ATP2C2: variants seen among roughly 807,000 people sequenced by gnomAD.
ATP2C2 encodes the protein ATPase secretory pathway Ca2+ transporting 2.
ATP2C2 carries 171 observed loss-of-function variants against 110.8 expected under a neutral mutation model. That is an observed-to-expected ratio of 1.54 (90% CI 1.36 to 1.75). The LOEUF (loss-of-function observed/expected upper bound fraction) is 1.75. Among genes scored for constraint, ATP2C2 ranks in the 40% most tolerant of loss-of-function variants. The pLI, the probability that ATP2C2 is intolerant of heterozygous loss-of-function variation, is 0.00. For missense variants in ATP2C2, 1,963 were observed against 1,235.0 expected, an observed-to-expected ratio of 1.59 and a Z score of -8.84; for synonymous variants, 804 against 508.4, an observed-to-expected ratio of 1.58 and a Z score of -7.82.
intron 1 of ATP2C2, among the ~76,000 whole-genome samples, chr16:84,389,150 G>T (rs8048205): frequency 0.15 from 22,269 of 152,116 alleles, 1,696 homozygotes; most frequent in East Asian, 0.27. Flanking sequence ...ACCCCCAGGG[G>T]CCAAGTGCTT....
chr16:84,382,710 G>C (rs1255729392), intron 1 of ATP2C2, among the ~76,000 whole-genome samples: 1 of 152,080 alleles, frequency 6.6e-6, no homozygotes, highest in Non-Finnish European at 1.5e-5. Flanking sequence ...CCTGGCCAAC[G>C]TGGCAAAACC....
At chr16:84,437,424 T>C (rs1417027897) in intron 11 of ATP2C2, among the ~76,000 whole-genome samples, 1 of 152,138 alleles carries the variant, frequency 6.6e-6, no homozygotes, top group Non-Finnish European at 1.5e-5. Context: ...TTGCCCAGGC[T>C]AGTCTTGAAC....
At chr16:84,425,047 A>C (rs1032628761) in intron 10 of ATP2C2, among the ~76,000 whole-genome samples, 3 of 152,184 alleles carry the variant, frequency 2.0e-5, no homozygotes, top group Non-Finnish European at 4.4e-5. Context: ...TGCCCAAAAC[A>C]AAACTAACAG....
At chr16:84,423,440 C>G (rs1019273003) in intron 10 of ATP2C2, among the ~76,000 whole-genome samples, 177 bp downstream of exon 10, 1 of 152,222 alleles carries the variant, frequency 6.6e-6, no homozygotes, top group African/African-American at 2.4e-5. Flanking sequence ...ACCAGGCTGG[C>G]TGCTGTAACA....
At chr16:84,433,680 CAA>C (rs1908484326) in intron 11 of ATP2C2, among the ~76,000 whole-genome samples, 1 of 119,712 alleles carries the variant, frequency 8.4e-6, no homozygotes, top group Non-Finnish European at 1.8e-5. Flanking sequence ...ACAACAACAA[CAA>C]AACACACACA....
intron 1 of ATP2C2, among the ~76,000 whole-genome samples, chr16:84,380,993 A>T (rs574138900): frequency 3.9e-5 from 6 of 152,350 alleles, no homozygotes; most frequent in African/African-American, 1.4e-4. Context: ...AGCCCGGCCA[A>T]CGTAGTGAAT....
chr16:84,428,012 G>C (rs1236468021), intron 11 of ATP2C2, among the ~76,000 whole-genome samples: 1 of 152,162 alleles, frequency 6.6e-6, no homozygotes, highest in African/African-American at 2.4e-5. Flanking sequence ...TATTGAGAGG[G>C]TCCTCGGAGC....
At chr16:84,415,460 G>T in intron 6 of ATP2C2, 23 bp from the exon 7 acceptor site, 1 of 1,600,516 alleles carries the variant, frequency 6.2e-7, no homozygotes, top group Admixed American at 1.7e-5. Flanking sequence ...GGATGCTTTT[G>T]CTTTTTACCA....
chr16:84,425,650 T>C (rs1907743050), intron 10 of ATP2C2, 85 bp from the exon 11 acceptor site: 1 of 1,463,816 alleles, frequency 6.8e-7, no homozygotes, highest in South Asian at 1.1e-5. Flanking sequence ...TCCTGTAAAC[T>C]CTTTAAGGAA....
chr16:84,408,942 G>A (rs534926347), intron 4 of ATP2C2, among the ~76,000 whole-genome samples: 17 of 152,058 alleles, frequency 1.1e-4, no homozygotes, highest in African/African-American at 4.1e-4. Flanking sequence ...GTACATTCAT[G>A]ATATGGTGCC....
rs1407436057 is a variant in ATP2C2 at position 84,451,920 on chromosome 16, G to T, written c.1661-1G>T. On this transcript the variant is annotated splice_acceptor_variant, in intron 17 of 26. Transcript: ENST00000262429. LOFTEE classifies it high-confidence loss of function. The stretch of plus-strand genomic sequence containing the variant: ...CCTCCTTACTCCCCCTCTCTCCTCA[G>T]TGCTGGCCCTGGCTTCTGGGCCCGA... The T allele has an allele frequency of 6.2e-7, 1 of 1,613,704 alleles. No individual in the cohort carries two copies. Among genetic ancestry groups the T allele is most frequent in the Non-Finnish European group, 8.5e-7 (1 of 1,179,940 alleles).
At position 84,464,040 on chromosome 16, in the gene ATP2C2, G is replaced by C. The variant is rs552793414; in HGVS notation, c.*308G>C. 1.2e-4 allele frequency: 29 copies of C among 235,010 alleles called. No homozygotes were observed. Among genetic ancestry groups the C allele is most frequent in the African/African-American group, 6.5e-4 (29 of 44,684 alleles). The allele number at this position is 235,010 out of a possible 1,614,324, so 14.6% of individuals were successfully genotyped here. On this transcript the variant is annotated 3_prime_UTR_variant, in exon 27 of 27. Coordinates refer to ENST00000262429, the MANE Select transcript of ATP2C2 (RefSeq NM_014861.4). ...ACGTATCTGTGCCACAGCTTGCAGT[G>C]AGGCAGGCCACTCGTGGCAGATACA...
intron 3 of ATP2C2, among the ~76,000 whole-genome samples, chr16:84,406,903 C>T (rs187142717): frequency 2.6e-5 from 4 of 152,180 alleles, no homozygotes; most frequent in Admixed American, 2.0e-4. Flanking sequence ...CCGTGAACAT[C>T]TTCCTTCTCA....
Position 84,448,596 on chromosome 16 carries a change from T to C in ATP2C2, c.1567T>C (p.Tyr523His). The C allele has an allele frequency of 1.9e-6, 3 of 1,614,086 alleles. No homozygotes were observed. The highest frequency in any genetic ancestry group is 4.5e-5 in the East Asian group (2 of 44,878). ...AGAGGTGATCCGCTACTGCACCATG[T>C]ACAACAACGGGGGCATCCCCCTGCC... ...LEEVIRYCTM[Y>H]NNGGIPLPLT... is the part of the protein sequence containing the mutation. Residue 523 changes from tyrosine (Y) to histidine (H), a missense_variant, in exon 17 of 27, where the codon TAC (tyrosine) becomes CAC (histidine). By Grantham distance (83) the Tyr-to-His change is moderately conservative. Coordinates refer to ENST00000262429, the MANE Select transcript of ATP2C2 (RefSeq NM_014861.4).
chr16:84,454,764 G>T, intron 20 of ATP2C2, 54 bp from the exon 21 acceptor site: 1 of 1,513,774 alleles, frequency 6.6e-7, no homozygotes, highest in East Asian at 2.4e-5. Flanking sequence ...GCATGGCCGG[G>T]CACTGGGAGG....
chr16:84,461,512 G>A, intron 24 of ATP2C2: 2 of 625,438 alleles, frequency 3.2e-6, no homozygotes, highest in Non-Finnish European at 5.7e-6. Flanking sequence ...CCTCATGGTG[G>A]CAGCAAATCA....
chr16:84,391,113 CAAAAAA>C (rs567509863), intron 1 of ATP2C2, among the ~76,000 whole-genome samples: 19 of 73,286 alleles, frequency 2.6e-4, no homozygotes, highest in African/African-American at 1.1e-3. Context: ...GACTCAGACT[CAAAAAA>C]AAAAAAAAAA....
Position 84,463,616 on chromosome 16 carries a change from T to A in ATP2C2, c.2725T>A (p.Leu909Met), listed in dbSNP as rs777596874. Residue 909 changes from leucine to methionine, a missense_variant and splice_region_variant, in exon 27 of 27, where the codon TTG becomes ATG. Leu to Met is a conservative substitution (Grantham distance 15, BLOSUM62 2). Coordinates refer to ENST00000262429, the MANE Select transcript of ATP2C2 (RefSeq NM_014861.4). ...TTTTCTGTTTTCTCCCTTGGCAGAT[T>A]TGCTGTTTTTAACTGGATTGGCCTC... Reference protein sequence around the residue: ...FQTENLGALDLLFLTGLASSV... With the variant: ...FQTENLGALDMLFLTGLASSV... 9 of 1,612,564 alleles carry A rather than the reference T, an allele frequency of 5.6e-6. No homozygotes were observed. In the East Asian group the frequency reaches 1.6e-4, roughly 28 times the overall value.
In ATP2C2 at chr16:84,410,569, C is replaced by G. The variant is rs1164292091; in HGVS notation, c.419C>G (p.Ala140Gly). The G allele has an allele frequency of 6.2e-7, 1 of 1,613,860 alleles. No individual in the cohort carries two copies. Among genetic ancestry groups the G allele is most frequent in the East Asian group, 2.2e-5 (1 of 44,882 alleles). The change falls in exon 5 of 27, where the codon GCA (alanine) becomes GGA (glycine). Residue 140 changes from alanine (A) to glycine (G), a missense_variant and splice_region_variant. Ala to Gly is a moderately conservative substitution (Grantham distance 60). Transcript: ENST00000262429. ...CACCCTCCTCCGTTTGCTGTCTAGG[C>G]AGTGCTTGTCGTGGTCACTGTCGCC... ...EYEDAVSIAT[A>G]VLVVVTVAFI...
Sources: gnomAD v4.1 joint callset for allele counts (sites outside exome capture counted in the v4.1 genomes callset) on GRCh38, gnomAD v4.1.1 for gene constraint, MANE v1.5 for transcripts, NCBI Gene and HGNC (gene_info 2026-07-23, HGNC 2026-07-21) for gene names.